The following CDH12 variants were observed in gnomAD, a reference collection of about 807,000 sequenced individuals.
CDH12 encodes cadherin 12.
A neutral mutation model predicts 74.1 loss-of-function variants in CDH12; 41 were observed. That is an observed-to-expected ratio of 0.55 (90% CI 0.43 to 0.72). The LOEUF (loss-of-function observed/expected upper bound fraction) is 0.72, where lower values mean the gene tolerates loss of function less well. Among genes scored for constraint, CDH12 ranks in the 30% least tolerant of loss-of-function variants. CDH12 has a pLI of 0.00. For missense variants in CDH12, 945 were observed against 977.2 expected (o/e 0.97, Z 0.44); for synonymous variants, 399 against 355.0 (o/e 1.12, Z -1.39).
At chr5:22,448,459 A>C (rs1173736097) in intron 2 of CDH12, among the ~76,000 whole-genome samples, 1 of 152,096 alleles carries the variant, frequency 6.6e-6, no homozygotes, top group Non-Finnish European at 1.5e-5. Flanking sequence ...TTCAACAGAC[A>C]AAAAGTTGAG....
intron 14 of CDH12, among the ~76,000 whole-genome samples, chr5:21,754,497 G>C (rs1338929524): frequency 6.6e-6 from 1 of 152,078 alleles, no homozygotes. Context: ...AGGATATAAA[G>C]AATACTTTGC....
At chr5:22,338,248 G>C (rs1460968380) in intron 3 of CDH12, among the ~76,000 whole-genome samples, 2 of 152,124 alleles carry the variant, frequency 1.3e-5, no homozygotes, top group African/African-American at 4.8e-5. Flanking sequence ...CCCTAAAAAA[G>C]AATAAGATTA....
At chr5:22,438,222 C>G (rs749059153) in intron 2 of CDH12, among the ~76,000 whole-genome samples, 1 of 151,980 alleles carries the variant, frequency 6.6e-6, no homozygotes, top group South Asian at 2.1e-4. Flanking sequence ...TTTGTACTTT[C>G]TTTTCAGTCC....
chr5:22,413,576 A>G (rs1420114472), intron 2 of CDH12, among the ~76,000 whole-genome samples: 1 of 152,048 alleles, frequency 6.6e-6, no homozygotes, highest in Non-Finnish European at 1.5e-5. Flanking sequence ...GTGAGGATGC[A>G]GACATAATAT....
At chr5:21,982,659 A>T (rs1042927666) in intron 5 of CDH12, among the ~76,000 whole-genome samples, 2 of 151,832 alleles carry the variant, frequency 1.3e-5, no homozygotes, top group African/African-American at 2.4e-5. Context: ...ATCTATAGCT[A>T]TATCAACATC....
intron 4 of CDH12, among the ~76,000 whole-genome samples, chr5:22,106,716 G>A (rs1744465369): frequency 6.6e-6 from 1 of 152,162 alleles, no homozygotes; most frequent in South Asian, 2.1e-4. Flanking sequence ...AACTCCTCAT[G>A]CTTCAGAAAA....
chr5:21,828,972 C>T (rs1006161276), intron 8 of CDH12, among the ~76,000 whole-genome samples: 3 of 139,158 alleles, frequency 2.2e-5, no homozygotes, highest in Non-Finnish European at 3.0e-5. Context: ...GTTTTTACTC[C>T]AAGTAGTGTA....
At chr5:22,273,053 C>T (rs1354159605) in intron 3 of CDH12, among the ~76,000 whole-genome samples, 1 of 152,092 alleles carries the variant, frequency 6.6e-6, no homozygotes, top group Non-Finnish European at 1.5e-5. Context: ...ATGACAGAAC[C>T]ACCTCCATGA....
intron 4 of CDH12, among the ~76,000 whole-genome samples, chr5:22,209,702 T>C (rs1367133413): frequency 3.3e-5 from 5 of 151,382 alleles, no homozygotes; most frequent in African/African-American, 4.8e-5. Context: ...AAGTACATGC[T>C]GGTTTCCAAT....
chr5:22,607,473 G>A (rs1737176609), intron 1 of CDH12, among the ~76,000 whole-genome samples: 1 of 152,184 alleles, frequency 6.6e-6, no homozygotes, highest in African/African-American at 2.4e-5. Context: ...GAGAAAATGA[G>A]GAAGAAGCAA....
intron 2 of CDH12, among the ~76,000 whole-genome samples, chr5:22,432,728 A>T (rs751992606): frequency 6.6e-6 from 1 of 152,248 alleles, no homozygotes. Context: ...AGCTCACTTC[A>T]TATTTCCTGT....
intron 1 of CDH12, among the ~76,000 whole-genome samples, chr5:22,526,281 T>C (rs903623459): frequency 1.3e-5 from 2 of 152,166 alleles, no homozygotes; most frequent in East Asian, 1.9e-4. Flanking sequence ...CATCTTTCAA[T>C]TGTAACACAG....
chr5:22,715,845 A>G (rs917658400), intron 1 of CDH12, among the ~76,000 whole-genome samples: 4 of 151,454 alleles, frequency 2.6e-5, no homozygotes, highest in Non-Finnish European at 5.9e-5. Flanking sequence ...AGAAAGAAAT[A>G]TATACATATG....
At chr5:22,570,419 G>A (rs986924442) in intron 1 of CDH12, among the ~76,000 whole-genome samples, 3 of 152,014 alleles carry the variant, frequency 2.0e-5, no homozygotes, top group African/African-American at 7.2e-5. Context: ...CTACAGAAAG[G>A]ATGCTGTGTT....
intron 3 of CDH12, among the ~76,000 whole-genome samples, chr5:22,374,505 G>T (rs142808307): frequency 0.014 from 2,136 of 152,140 alleles, 27 homozygotes; most frequent in Middle Eastern, 0.027. Flanking sequence ...AATTGGAAAA[G>T]AAGAAGTTGA....
intron 4 of CDH12, among the ~76,000 whole-genome samples, chr5:22,201,054 G>C (rs369172182): frequency 8.2e-4 from 125 of 152,260 alleles, no homozygotes; most frequent in African/African-American, 2.9e-3. Flanking sequence ...GATCTAGTCA[G>C]ACAAAAAGTC....
chr5:22,632,632 G>C (rs1738644933), intron 1 of CDH12, among the ~76,000 whole-genome samples: 1 of 151,910 alleles, frequency 6.6e-6, no homozygotes, highest in African/African-American at 2.4e-5. Context: ...ATAATATGCA[G>C]AAAGAAAAAT....
chr5:22,506,614 TC>T (rs1430435359), intron 1 of CDH12, among the ~76,000 whole-genome samples: 2 of 152,076 alleles, frequency 1.3e-5, no homozygotes, highest in Non-Finnish European at 2.9e-5. Flanking sequence ...CCTTTTTTTT[TC>T]AAGGATCTCT....
chr5:22,654,553 G>A (rs1457424726), intron 1 of CDH12, among the ~76,000 whole-genome samples: 4 of 151,654 alleles, frequency 2.6e-5, no homozygotes, highest in African/African-American at 7.3e-5. Flanking sequence ...GCCTCCCAAA[G>A]TGCTGGGATT....
Sources: allele counts gnomAD v4.1 joint callset (sites outside exome capture counted in the v4.1 genomes callset), GRCh38; gene constraint gnomAD v4.1.1; transcripts MANE v1.5; gene names NCBI Gene and HGNC (gene_info 2026-07-23, HGNC 2026-07-21).